Variants in SPAG16 observed in about 807,000 individuals in gnomAD.
SPAG16 encodes the protein sperm-associated antigen 16 protein.
SPAG16 carries 86 observed loss-of-function variants against 80.4 expected under a neutral mutation model. The ratio of observed to expected loss-of-function variants is 1.07; its 90% CI spans 0.90 to 1.28. The LOEUF (loss-of-function observed/expected upper bound fraction) is 1.28. Among genes scored for constraint, SPAG16 ranks in the 50% most tolerant of loss-of-function variants. The pLI, the probability that SPAG16 is intolerant of heterozygous loss-of-function variation, is 0.00. For missense variants in SPAG16, 870 were observed against 765.3 expected, an observed-to-expected ratio of 1.14 and a Z score of -1.61; for synonymous variants, 294 against 265.9, an observed-to-expected ratio of 1.11 and a Z score of -1.03.
intron 15 of SPAG16, among the ~76,000 whole-genome samples, chr2:214,255,679 A>G (rs1690629957): frequency 2.0e-5 from 3 of 151,908 alleles, no homozygotes; most frequent in African/African-American, 7.2e-5. Flanking sequence ...TACCTCTCTC[A>G]GCTGCAATCA....
At chr2:214,271,404 T>C (rs1416894768) in intron 15 of SPAG16, among the ~76,000 whole-genome samples, 3 of 152,226 alleles carry the variant, frequency 2.0e-5, no homozygotes, top group Non-Finnish European at 4.4e-5. Context: ...AATTAGTTTA[T>C]GCAAAAGTTC....
At chr2:214,388,026 T>G (rs1199875159) in intron 15 of SPAG16, among the ~76,000 whole-genome samples, 1 of 152,164 alleles carries the variant, frequency 6.6e-6, no homozygotes, top group Non-Finnish European at 1.5e-5. Flanking sequence ...TAATATATAT[T>G]TTAATCATAA....
intron 3 of SPAG16, among the ~76,000 whole-genome samples, chr2:213,301,187 A>G (rs192418002): frequency 6.6e-6 from 1 of 152,232 alleles, no homozygotes; most frequent in East Asian, 1.9e-4. Flanking sequence ...TAGTCTCAAG[A>G]AAAAGAGCTG....
At chr2:213,934,798 G>A (rs1233589394) in intron 12 of SPAG16, among the ~76,000 whole-genome samples, 1 of 152,122 alleles carries the variant, frequency 6.6e-6, no homozygotes, top group Non-Finnish European at 1.5e-5. Flanking sequence ...AATCTTAGAA[G>A]CCTATTATTG....
chr2:214,175,287 G>GTA (rs1204961729), intron 15 of SPAG16, among the ~76,000 whole-genome samples: 4 of 141,664 alleles, frequency 2.8e-5, no homozygotes, highest in East Asian at 2.0e-4. Flanking sequence ...AAAGAAATGT[G>GTA]TATATATATA....
At chr2:213,377,927 G>T (rs1170900808) in intron 9 of SPAG16, among the ~76,000 whole-genome samples, 1 of 148,866 alleles carries the variant, frequency 6.7e-6, no homozygotes, top group Admixed American at 6.7e-5. Context: ...TTCTTTAGAA[G>T]GATAGAACTA....
intron 14 of SPAG16, among the ~76,000 whole-genome samples, chr2:214,114,521 C>T (rs77917565): frequency 0.051 from 7,840 of 152,262 alleles, 307 homozygotes; most frequent in South Asian, 0.13. Context: ...ATGCCCCTCC[C>T]CCTGCCAGGC....
intron 13 of SPAG16, among the ~76,000 whole-genome samples, chr2:214,035,628 G>A (rs191824282): frequency 8.5e-4 from 129 of 152,292 alleles, no homozygotes; most frequent in African/African-American, 3.0e-3. Context: ...GCAGGGAGAG[G>A]GCAGACAGTA....
intron 4 of SPAG16, among the ~76,000 whole-genome samples, 177 bp downstream of exon 4, chr2:213,310,354 AC>A (rs2063134943): frequency 1.3e-5 from 2 of 150,622 alleles, no homozygotes; most frequent in African/African-American, 2.4e-5. Context: ...ACACACACAC[AC>A]ACACACACAC....
At chr2:213,694,590 A>G (rs2065082829) in intron 10 of SPAG16, among the ~76,000 whole-genome samples, 1 of 152,158 alleles carries the variant, frequency 6.6e-6, no homozygotes, top group Non-Finnish European at 1.5e-5. Context: ...AAAAGGCATC[A>G]TCATTTTGCT....
chr2:214,127,300 A>G (rs949987835), intron 14 of SPAG16, among the ~76,000 whole-genome samples: 1 of 151,838 alleles, frequency 6.6e-6, no homozygotes, highest in Non-Finnish European at 1.5e-5. Context: ...TGCAGTATCA[A>G]CTGTGGCTAG....
intron 12 of SPAG16, among the ~76,000 whole-genome samples, chr2:213,976,111 T>TAG (rs2045359916): frequency 9.0e-6 from 1 of 110,934 alleles, no homozygotes; most frequent in Admixed American, 8.6e-5. Context: ...GTGAGGGAGA[T>TAG]ATATATATAT....
chr2:213,700,525 T>C (rs2065359787), intron 10 of SPAG16, among the ~76,000 whole-genome samples: 1 of 152,204 alleles, frequency 6.6e-6, no homozygotes, highest in Non-Finnish European at 1.5e-5. Flanking sequence ...ATTAGAACCA[T>C]AACATTTTCT....
chr2:213,667,716 CAT>C (rs143156484), intron 10 of SPAG16, among the ~76,000 whole-genome samples: 1,621 of 152,168 alleles, frequency 0.011, 30 homozygotes, highest in African/African-American at 0.036. Context: ...GAGAAATAAA[CAT>C]ATTTATATTC....
At chr2:214,056,280 T>C (rs2049938581) in intron 13 of SPAG16, among the ~76,000 whole-genome samples, 1 of 144,562 alleles carries the variant, frequency 6.9e-6, no homozygotes, top group Non-Finnish European at 1.5e-5. Context: ...GTAGTAGAAA[T>C]ACACACACAC....
At chr2:214,338,228 A>G (rs1177152697) in intron 15 of SPAG16, among the ~76,000 whole-genome samples, 1 of 152,210 alleles carries the variant, frequency 6.6e-6, no homozygotes, top group African/African-American at 2.4e-5. Flanking sequence ...AGAAAAAAAT[A>G]TCCTCAGCCA....
chr2:213,338,745 A>C (rs1334191954), intron 5 of SPAG16, among the ~76,000 whole-genome samples: 1 of 152,224 alleles, frequency 6.6e-6, no homozygotes, highest in Admixed American at 6.5e-5. Flanking sequence ...CATTATCCTC[A>C]GCAAACTAAT....
Position 214,177,767 on chromosome 2 carries a change from TAACA to T in SPAG16, c.1720+28507_1720+28510del, listed in dbSNP as rs564655137. Among the ~76,000 whole-genome samples the T allele has an allele frequency of 1.7e-3, 253 of 149,662 alleles. 1 individual carries two copies. The highest frequency in any genetic ancestry group is 2.8e-3 in the Non-Finnish European group (189 of 66,792). On this transcript the variant is annotated intron_variant, in intron 15 of 15. Transcript: ENST00000331683. The stretch of plus-strand genomic sequence containing the variant: ...TACCTCTGCTAGTATCAAATTAACC[TAACA>T]AACAATGAAGTTTTATAATAATTAA...
At chr2:214,152,823 G>A (rs528118158) in intron 15 of SPAG16, among the ~76,000 whole-genome samples, 15 of 152,312 alleles carry the variant, frequency 9.8e-5, no homozygotes, top group Admixed American at 5.2e-4. Context: ...GGCAGCCAAG[G>A]CAGAGAGGGA....
Sources: allele counts gnomAD v4.1 joint callset (sites outside exome capture counted in the v4.1 genomes callset), GRCh38; gene constraint gnomAD v4.1.1; transcripts MANE v1.5; gene names NCBI Gene and HGNC (gene_info 2026-07-23, HGNC 2026-07-21).